Variants in DOCK8 observed in about 807,000 individuals in gnomAD.
The protein encoded by DOCK8 is dedicator of cytokinesis 8, also known as dedicator of cytokinesis protein 8.
A neutral mutation model predicts 245.6 loss-of-function variants in DOCK8; 141 were observed. The observed-to-expected ratio is 0.57, with a 90% CI of 0.50 to 0.66. The LOEUF (loss-of-function observed/expected upper bound fraction) is 0.66, where lower values mean the gene tolerates loss of function less well. Ranked by LOEUF, DOCK8 falls within the 30% of genes least tolerant of loss-of-function variation. The pLI is 0.00. For missense variants in DOCK8, 2,965 were observed against 2,603.4 expected, an observed-to-expected ratio of 1.14 and a Z score of -3.02; for synonymous variants, 1,168 against 970.2, an observed-to-expected ratio of 1.20 and a Z score of -3.79.
intron 14 of DOCK8, among the ~76,000 whole-genome samples, chr9:357,587 A>ATTTTTTTTTTT (rs112232586): frequency 2.7e-5 from 4 of 147,382 alleles, no homozygotes; most frequent in African/African-American, 1.0e-4. Context: ...ATTTGATACC[A>ATTTTTTTTTTT]TTTTTTTTTT....
chr9:233,750 G>A (rs1412969691), intron 1 of DOCK8, among the ~76,000 whole-genome samples: 3 of 151,862 alleles, frequency 2.0e-5, no homozygotes, highest in Admixed American at 6.6e-5. Context: ...CATTTGCTTG[G>A]TAGATCTTCC....
Position 464,400 on chromosome 9 carries a change from A to G in DOCK8, c.*181A>G. ...TTATTCCCAAATGGACTCTGACCAG[A>G]TTTTTGCCATACTGGGGGGTGGCGG... On this transcript the variant is annotated 3_prime_UTR_variant, in exon 48 of 48. Transcript: ENST00000432829. 1 of 676,744 alleles carries G rather than the reference A, an allele frequency of 1.5e-6. No individual in the cohort carries two copies. Among genetic ancestry groups the G allele is most frequent in the Non-Finnish European group, 2.7e-6 (1 of 375,708 alleles). 41.9% of individuals were successfully genotyped at this position (676,744 alleles called of 1,614,324 possible). A position where few individuals can be genotyped will look rare whatever the true frequency, so the allele number is the denominator to read the frequency against.
At chr9:340,049 AC>A in intron 13 of DOCK8, 109 bp from the exon 14 acceptor site, 1 of 1,295,864 alleles carries the variant, frequency 7.7e-7, no homozygotes, top group Non-Finnish European at 1.1e-6. Flanking sequence ...TTTTTACAGT[AC>A]TATAGTTTGT....
At chr9:419,931 G>A (rs778795652) in intron 30 of DOCK8, among the ~76,000 whole-genome samples, 3 of 152,248 alleles carry the variant, frequency 2.0e-5, no homozygotes, top group Non-Finnish European at 4.4e-5. Context: ...ATGTAACAAA[G>A]AAGCTAAATC....
intron 1 of DOCK8, among the ~76,000 whole-genome samples, chr9:266,484 A>G (rs538974918): frequency 6.6e-6 from 1 of 152,318 alleles, no homozygotes; most frequent in Admixed American, 6.5e-5. Flanking sequence ...CTTAAAATAC[A>G]GTTTTCCAGG....
intron 1 of DOCK8, among the ~76,000 whole-genome samples, chr9:233,214 A>G (rs1403345942): frequency 6.6e-6 from 1 of 152,006 alleles, no homozygotes; most frequent in African/African-American, 2.4e-5. Context: ...GTTTTGAGTG[A>G]GTTTCTTAAT....
At position 314,820 on chromosome 9, in the gene DOCK8, C is replaced by A. The variant is rs202021466; in HGVS notation, c.742-2223C>A. On this transcript the variant is annotated intron_variant, in intron 6 of 47. Coordinates refer to ENST00000432829, the MANE Select transcript of DOCK8 (RefSeq NM_203447.4). ...GACACAATCAGATTTTTAAATATAT[C>A]ATTACTTGATTTCCCTGTAAGGAAA... Among the ~76,000 whole-genome samples, 1,039 of 151,138 alleles carry A rather than the reference C, an allele frequency of 6.9e-3. 9 individuals are homozygous for A. The highest frequency in any genetic ancestry group is 0.01 in the Non-Finnish European group (712 of 67,810).
intron 22 of DOCK8, among the ~76,000 whole-genome samples, chr9:384,644 C>T (rs116889119): frequency 6.6e-6 from 1 of 152,234 alleles, no homozygotes; most frequent in Admixed American, 6.5e-5. Flanking sequence ...TGGCCGGGCA[C>T]CGTGGCTCAT....
chr9:404,520 A>G lies in DOCK8; in HGVS notation c.3235-398A>G, dbSNP rs561975040. On this transcript the variant is annotated intron_variant, in intron 26 of 47. Coordinates refer to ENST00000432829, the MANE Select transcript of DOCK8 (RefSeq NM_203447.4). ...TATAAAAGTCATCTAGTCATATTCT[A>G]TTAGTTTCATACAGGCTCATATGAG... 1.0e-3 allele frequency among the ~76,000 whole-genome samples: 152 copies of G among 152,278 alleles called. 3 individuals carry two copies. The Middle Eastern group carries it at 0.024, about 24-fold the overall frequency.
At chr9:222,344 C>T (rs995094243) in intron 1 of DOCK8, among the ~76,000 whole-genome samples, 2 of 152,116 alleles carry the variant, frequency 1.3e-5, no homozygotes, top group African/African-American at 4.8e-5. Flanking sequence ...CAGTCTTATA[C>T]ATACTTTTTT....
In DOCK8 at chr9:463,663, T is replaced by C. The variant is rs780296769; in HGVS notation, c.6215T>C (p.Ile2072Thr). Residue 2072 changes from isoleucine to threonine, a missense_variant, in exon 47 of 48, where the codon ATA (isoleucine) becomes ACA (threonine). This residue lies in a region of DOCK8 where 134 missense variants were observed against 128.1 expected (regional missense o/e 1.05). Coordinates refer to ENST00000432829, the MANE Select transcript of DOCK8 (RefSeq NM_203447.4). Reference sequence around the variant, plus strand: ...AAAATTCCAGAACTGTACAAGCCAATATTCAGAGTTGAGAGTCAAAAGAGG... The same window carrying C: ...AAAATTCCAGAACTGTACAAGCCAACATTCAGAGTTGAGAGTCAAAAGAGG... Reference protein sequence around the residue: ...ERKIPELYKPIFRVESQKRDS... With the variant: ...ERKIPELYKPTFRVESQKRDS... 6.2e-7 allele frequency: 1 copy of C among 1,613,706 alleles called. No individual in the cohort carries two copies. Among genetic ancestry groups the C allele is most frequent in the South Asian group, 1.1e-5 (1 of 91,078 alleles).
At chr9:372,138 A>G (rs766018683) in intron 17 of DOCK8, 47 bp from the exon 18 acceptor site, 2 of 1,497,784 alleles carry the variant, frequency 1.3e-6, no homozygotes, top group Non-Finnish European at 1.9e-6. Context: ...TATCAGAATT[A>G]TATGCTGTAA....
chr9:404,870 C>G (rs576028811), intron 26 of DOCK8, 48 bp from the exon 27 acceptor site: 2 of 1,609,630 alleles, frequency 1.2e-6, no homozygotes, highest in East Asian at 2.2e-5. Context: ...CTCAACTCCA[C>G]TTACCTTGTA....
In DOCK8 at chr9:340,337, T is replaced by C. The variant is rs1400902872; in HGVS notation, c.1679+16T>C. The C allele has an allele frequency of 6.2e-6, 10 of 1,613,790 alleles. No individual in the cohort carries two copies. The highest frequency in any genetic ancestry group is 1.3e-5 in the African/African-American group (1 of 74,896). The stretch of plus-strand genomic sequence containing the variant: ...CTGTGTACAGGTAAGAAACACAGGC[T>C]CGGGCTGGGCGTGGTGGCTTACACC... On this transcript the variant is annotated intron_variant, in intron 14 of 47. Transcript: ENST00000432829.
At chr9:381,814 G>A (rs1405918671) in intron 21 of DOCK8, among the ~76,000 whole-genome samples, 1 of 152,050 alleles carries the variant, frequency 6.6e-6, no homozygotes, top group Non-Finnish European at 1.5e-5. Flanking sequence ...ACAAAAATTA[G>A]CCAGTCGTGG....
In DOCK8 at chr9:449,835, C is replaced by G. The variant is rs1300106638; in HGVS notation, c.5869C>G (p.Leu1957Val). 3 of 1,613,370 alleles carry G rather than the reference C, an allele frequency of 1.9e-6. No individual in the cohort carries two copies. Among genetic ancestry groups the G allele is most frequent in the Non-Finnish European group, 2.5e-6 (3 of 1,180,028 alleles). The change falls in exon 45 of 48, where the codon CTG (leucine) becomes GTG (valine). Residue 1957 changes from leucine to valine, a missense_variant. By Grantham distance (32) the Leu-to-Val change is conservative. Around this residue, in one of 3 missense-constraint regions of DOCK8, gnomAD observed 2,825 missense variants for 2,453.5 expected, o/e 1.15. Transcript: ENST00000432829. The part of the protein sequence containing the change: ...VAIEDMKKKT[L>V]QLAVAINQEP... ...CATTGAAGACATGAAGAAGAAGACC[C>G]TGCAGTTAGCAGTTGCCATTAACCA... is the stretch of plus-strand genomic sequence containing the variant.
At chr9:401,329 A>G (rs539673868) in intron 26 of DOCK8, among the ~76,000 whole-genome samples, 22 of 152,292 alleles carry the variant, frequency 1.4e-4, no homozygotes, top group African/African-American at 5.3e-4. Flanking sequence ...CCCTCCCAGC[A>G]TGAGAACAGC....
intron 14 of DOCK8, among the ~76,000 whole-genome samples, chr9:344,073 A>G (rs186719738): frequency 1.8e-4 from 27 of 152,078 alleles, no homozygotes; most frequent in African/African-American, 6.3e-4. Context: ...CCACAAATAC[A>G]GAGTTAATCT....
chr9:354,712 C>T (rs1399338584), intron 14 of DOCK8, among the ~76,000 whole-genome samples: 1 of 152,262 alleles, frequency 6.6e-6, no homozygotes, highest in South Asian at 2.1e-4. Flanking sequence ...AGGCTGAGGG[C>T]GTCGGTTCCT....
Sources: gnomAD v4.1 joint callset for allele counts (sites outside exome capture counted in the v4.1 genomes callset) on GRCh38, gnomAD v4.1.1 for gene constraint, gnomAD v4.1.1 regional missense constraint, MANE v1.5 for transcripts, NCBI Gene and HGNC (gene_info 2026-07-23, HGNC 2026-07-21) for gene names.